REV1: variants seen among roughly 807,000 people sequenced by gnomAD.
The protein encoded by REV1 is translesion synthesis protein REV1.
REV1 carries 42 observed loss-of-function variants against 137.4 expected under a neutral mutation model. The ratio of observed to expected loss-of-function variants is 0.31; its 90% CI spans 0.24 to 0.40. REV1 has a LOEUF of 0.40. Among genes scored for constraint, REV1 ranks in the 10% least tolerant of loss-of-function variants. REV1 has a pLI of 1.00. For synonymous variants in REV1, 524 were observed against 519.2 expected (o/e 1.01, Z -0.12); for missense variants, 1,282 against 1,490.1 (o/e 0.86, Z 2.30).
At chr2:99,416,603 A>G (rs1330887650) in intron 12 of REV1, among the ~76,000 whole-genome samples, 2 of 152,216 alleles carry the variant, frequency 1.3e-5, no homozygotes, top group Non-Finnish European at 2.9e-5. Context: ...CAGCTTGGCC[A>G]GGACATGTAA....
intron 1 of REV1, among the ~76,000 whole-genome samples, chr2:99,485,855 C>T (rs929748266): frequency 6.6e-6 from 1 of 152,176 alleles, no homozygotes; most frequent in Admixed American, 6.5e-5. Flanking sequence ...GTGGCTCACA[C>T]TTGTAATCCC....
At chr2:99,458,750 G>A (rs2105067150) in intron 3 of REV1, among the ~76,000 whole-genome samples, 1 of 152,272 alleles carries the variant, frequency 6.6e-6, no homozygotes, top group African/African-American at 2.4e-5. Context: ...TATGCTCAGT[G>A]AAAAAAGCCA....
rs981237224 is a variant in REV1, at chr2:99,401,160, C to A, written c.*81G>T. 37 of 736,306 alleles carry A rather than the reference C, an allele frequency of 5.0e-5. No homozygotes were observed. In the Middle Eastern group the frequency reaches 1.6e-3, roughly 31 times the overall value. 45.6% of individuals were successfully genotyped at this position (736,306 alleles called of 1,614,324 possible). A position where few individuals can be genotyped will look rare whatever the true frequency, so the allele number is the denominator to read the frequency against. On this transcript the variant is annotated 3_prime_UTR_variant, in exon 23 of 23. Coordinates refer to ENST00000258428, the MANE Select transcript of REV1 (RefSeq NM_016316.4). ...AATTTAAAATTATAAAAACTCCGAG[C>A]ATTACTATCATGCACTTTGCAAATA...
intron 6 of REV1, 61 bp downstream of exon 6, chr2:99,438,540 A>G (rs1232953628): frequency 1.5e-6 from 2 of 1,294,464 alleles, no homozygotes; most frequent in Admixed American, 1.8e-5. Context: ...CAATAATAGC[A>G]TAAGAGCAAA....
rs755270600 is a variant in REV1 at position 99,405,975 on chromosome 2, G to C, written c.2746C>G (p.Leu916Val). 2 of 1,613,984 alleles carry C rather than the reference G, an allele frequency of 1.2e-6. No homozygotes were observed. The highest frequency in any genetic ancestry group is 2.2e-5 in the East Asian group (1 of 44,880). The part of the protein sequence containing the change: ...KAESSGKWNG[L>V]HTPVSVQSRL... ...GACTGCACACTGACAGGAGTATGTAGACCATTCCATTTCCCTGAAGACTCA... is the reference window on the plus strand; with the variant it reads ...GACTGCACACTGACAGGAGTATGTACACCATTCCATTTCCCTGAAGACTCA... The change falls in exon 17 of 23, where the codon CTA (leucine) becomes GTA (valine). Residue 916 changes from leucine (L) to valine (V), a missense_variant. Leu to Val is a conservative substitution (Grantham distance 32). Around this residue, in one of 7 missense-constraint regions of REV1, gnomAD observed 135 missense variants for 123.3 expected, o/e 1.10. Coordinates refer to ENST00000258428, the MANE Select transcript of REV1 (RefSeq NM_016316.4).
At chr2:99,419,837 T>C (rs1218053312) in intron 11 of REV1, among the ~76,000 whole-genome samples, 2 of 151,966 alleles carry the variant, frequency 1.3e-5, no homozygotes, top group East Asian at 3.9e-4. Flanking sequence ...AATAATAAAA[T>C]CTCCAAAGGG....
chr2:99,415,989 A>C (rs1022750600), intron 12 of REV1, among the ~76,000 whole-genome samples: 4 of 152,392 alleles, frequency 2.6e-5, no homozygotes, highest in Admixed American at 2.6e-4. Flanking sequence ...CACAATTATT[A>C]TTCTGTGGAG....
Position 99,403,701 on chromosome 2 carries a change from C to T in REV1, c.3160G>A (p.Ala1054Thr), listed in dbSNP as rs533170369. The T allele has an allele frequency of 3.1e-5, 50 of 1,614,174 alleles. No homozygotes were observed. Among genetic ancestry groups the T allele is most frequent in the African/African-American group, 2.0e-4 (15 of 75,040 alleles). ...ENSTHQQSAS[A>T]SVPKNPLLHL... ...TGCCACTTCCAAGGCTCACCAGATGCGCTGGCTGACTGCTGGTGAGTGCTG... is the reference window on the plus strand; with the variant it reads ...TGCCACTTCCAAGGCTCACCAGATGTGCTGGCTGACTGCTGGTGAGTGCTG... The change falls in exon 19 of 23, where the codon GCA (alanine) becomes ACA (threonine). Residue 1054 changes from alanine to threonine, a missense_variant. Coordinates refer to ENST00000258428, the MANE Select transcript of REV1 (RefSeq NM_016316.4).
chr2:99,404,847 T>C (rs186740938), intron 17 of REV1, among the ~76,000 whole-genome samples, 170 bp from the exon 18 acceptor site: 3 of 152,330 alleles, frequency 2.0e-5, no homozygotes, highest in Non-Finnish European at 4.4e-5. Context: ...TTTTGGAACG[T>C]CTTGGCCTTT....
At chr2:99,485,988 G>A (rs1375230606) in intron 1 of REV1, among the ~76,000 whole-genome samples, 2 of 152,184 alleles carry the variant, frequency 1.3e-5, no homozygotes, top group African/African-American at 4.8e-5. Context: ...AGCCAGGCAT[G>A]GTGGCACATG....
chr2:99,429,296 G>C (rs1431568583), intron 9 of REV1, among the ~76,000 whole-genome samples: 1 of 152,074 alleles, frequency 6.6e-6, no homozygotes, highest in African/African-American at 2.4e-5. Flanking sequence ...TATGGTTTCA[G>C]ATCACTATAA....
chr2:99,483,003 G>A lies in REV1; in HGVS notation c.-11+6814C>T, dbSNP rs1204283482. Among the ~76,000 whole-genome samples, 4 of 140,332 alleles carry A rather than the reference G, an allele frequency of 2.9e-5. No individual in the cohort carries two copies. The East Asian group carries it at 6.0e-4, about 21-fold the overall frequency. The allele number at this position is 140,332 out of a possible 152,430, so 92.1% of individuals were successfully genotyped here. A position where few individuals can be genotyped will look rare whatever the true frequency, so the allele number is the denominator to read the frequency against. ...TAGCACTCCAGCCTGGGCGACAAGGGCAAAACTCCGTTTCAAAAAAAAAAA... is the reference window on the plus strand; with the variant it reads ...TAGCACTCCAGCCTGGGCGACAAGGACAAAACTCCGTTTCAAAAAAAAAAA... On this transcript the variant is annotated intron_variant, in intron 1 of 22. Coordinates refer to ENST00000258428, the MANE Select transcript of REV1 (RefSeq NM_016316.4).
At chr2:99,425,043 G>A in intron 9 of REV1, 11 of 548,484 alleles carry the variant, frequency 2.0e-5, no homozygotes, top group East Asian at 2.0e-4. Flanking sequence ...AAAGAATCAA[G>A]AAAAAAAATT....
chr2:99,443,639 A>G (rs970681977), intron 4 of REV1, among the ~76,000 whole-genome samples: 10 of 152,228 alleles, frequency 6.6e-5, no homozygotes, highest in East Asian at 1.9e-4. Flanking sequence ...ATCAAATGCT[A>G]TAACTATTAA....
At chr2:99,440,004 C>T (rs1681276337) in intron 5 of REV1, among the ~76,000 whole-genome samples, 1 of 152,080 alleles carries the variant, frequency 6.6e-6, no homozygotes, top group Non-Finnish European at 1.5e-5. Flanking sequence ...GGGGGTAATT[C>T]AGTAAAATTT....
chr2:99,407,349 G>A (rs1245836828), intron 15 of REV1, among the ~76,000 whole-genome samples: 1 of 151,568 alleles, frequency 6.6e-6, no homozygotes, highest in Non-Finnish European at 1.5e-5. Flanking sequence ...TCAGGAGTTT[G>A]AAACCAGCCT....
chr2:99,415,077 G>A (rs770741776), intron 12 of REV1, among the ~76,000 whole-genome samples: 3 of 152,192 alleles, frequency 2.0e-5, no homozygotes, highest in African/African-American at 7.2e-5. Flanking sequence ...AGGTGGGGGA[G>A]GGAGGCAGGG....
chr2:99,484,748 A>C (rs1354632883), intron 1 of REV1, among the ~76,000 whole-genome samples: 1 of 152,222 alleles, frequency 6.6e-6, no homozygotes, highest in African/African-American at 2.4e-5. Context: ...GTAGTTAACA[A>C]CACACACTCA....
At chr2:99,455,593 G>A (rs796405124) in intron 3 of REV1, among the ~76,000 whole-genome samples, 3 of 152,304 alleles carry the variant, frequency 2.0e-5, no homozygotes, top group African/African-American at 7.2e-5. Flanking sequence ...AGTCTTCTAT[G>A]TCAGAGGTTC....
Sources: gnomAD v4.1 joint callset for allele counts (sites outside exome capture counted in the v4.1 genomes callset) on GRCh38, gnomAD v4.1.1 for gene constraint, gnomAD v4.1.1 regional missense constraint, MANE v1.5 for transcripts, NCBI Gene and HGNC (gene_info 2026-07-23, HGNC 2026-07-21) for gene names.